The following OPCML variants were observed in gnomAD, a reference collection of about 807,000 sequenced individuals.
The protein encoded by OPCML is opioid-binding protein/cell adhesion molecule.
Under a neutral mutation model 37.8 loss-of-function variants are expected in OPCML, and 13 were observed. The ratio of observed to expected loss-of-function variants is 0.34; its 90% confidence interval spans 0.22 to 0.55. The LOEUF (loss-of-function observed/expected upper bound fraction) is 0.55. Among genes scored for constraint, OPCML ranks in the 20% least tolerant of loss-of-function variants. The probability of loss-of-function intolerance (pLI) is 0.91; values close to 1 mark genes in which losing one functional copy is unlikely to be tolerated. For missense variants in OPCML, 341 were observed against 435.6 expected (o/e 0.78, Z 1.93); for synonymous variants, 176 against 168.8 (o/e 1.04, Z -0.33).
intron 1 of OPCML, among the ~76,000 whole-genome samples, chr11:133,085,610 A>C (rs1948807114): frequency 6.6e-6 from 1 of 152,238 alleles, no homozygotes; most frequent in Admixed American, 6.5e-5. Flanking sequence ...TTATATTCTC[A>C]TACAATAAAG....
At chr11:133,281,018 CAG>C (rs1942136746) in intron 1 of OPCML, among the ~76,000 whole-genome samples, 2 of 152,178 alleles carry the variant, frequency 1.3e-5, no homozygotes, top group South Asian at 4.1e-4. Flanking sequence ...AGAGTTTCAA[CAG>C]AGGCACTGGA....
intron 1 of OPCML, chr11:133,025,169 G>T: frequency 1.9e-6 from 1 of 532,926 alleles, no homozygotes; most frequent in Non-Finnish European, 2.4e-6. Context: ...CAACCCAATG[G>T]TAAGCATAAA....
intron 1 of OPCML, among the ~76,000 whole-genome samples, chr11:133,487,783 G>A (rs1488702094): frequency 2.0e-5 from 3 of 150,936 alleles, no homozygotes; most frequent in South Asian, 2.1e-4. Flanking sequence ...GTTTGTGTGT[G>A]TGTGTGTGTG....
intron 1 of OPCML, among the ~76,000 whole-genome samples, chr11:133,187,702 A>C (rs932884302): frequency 2.6e-5 from 4 of 152,320 alleles, no homozygotes; most frequent in African/African-American, 9.6e-5. Context: ...TACCGTGCTT[A>C]GGAATGTTGA....
chr11:132,525,042 G>A (rs2096304462), intron 4 of OPCML, among the ~76,000 whole-genome samples: 1 of 152,106 alleles, frequency 6.6e-6, no homozygotes, highest in African/African-American at 2.4e-5. Flanking sequence ...TCACTTACCA[G>A]TGCAGCACTA....
At chr11:133,509,169 C>T (rs1242653035) in intron 1 of OPCML, among the ~76,000 whole-genome samples, 2 of 152,036 alleles carry the variant, frequency 1.3e-5, no homozygotes, top group African/African-American at 4.8e-5. Flanking sequence ...AATCCATCAC[C>T]TAGGTATTAA....
chr11:132,586,171 C>CCATA (rs1320759136), intron 3 of OPCML, among the ~76,000 whole-genome samples: 1 of 152,152 alleles, frequency 6.6e-6, no homozygotes, highest in Non-Finnish European at 1.5e-5. Flanking sequence ...TTAACAGCTA[C>CCATA]CATAGTCGGG....
At chr11:132,652,543 A>T (rs2135755266) in intron 3 of OPCML, among the ~76,000 whole-genome samples, 1 of 152,226 alleles carries the variant, frequency 6.6e-6, no homozygotes, top group South Asian at 2.1e-4. Flanking sequence ...CTCACTGGGG[A>T]CTCAGCCAGG....
At chr11:132,768,716 C>T (rs1275386875) in intron 2 of OPCML, among the ~76,000 whole-genome samples, 1 of 152,098 alleles carries the variant, frequency 6.6e-6, no homozygotes, top group Non-Finnish European at 1.5e-5. Flanking sequence ...ACACTCATTG[C>T]TGCTTGAATA....
rs536117320 is a variant in OPCML at position 132,816,088 on chromosome 11, C to T, written c.146+126838G>A. Among the ~76,000 whole-genome samples the T allele has an allele frequency of 4.6e-5, 7 of 152,248 alleles. No individual in the cohort carries two copies. The South Asian group carries it at 8.3e-4, about 18-fold the overall frequency. ...AGTCTTGAGGAAATGGACATGTTTG[C>T]GATAGCTGTGCTGGAAATAAGAGTA... is the stretch of plus-strand genomic sequence containing the variant. On this transcript the variant is annotated intron_variant, in intron 2 of 7. Transcript: ENST00000524381.
At chr11:132,614,210 A>G (rs1468305821) in intron 3 of OPCML, among the ~76,000 whole-genome samples, 1 of 151,966 alleles carries the variant, frequency 6.6e-6, no homozygotes, top group Non-Finnish European at 1.5e-5. Context: ...GTGCTTTGGT[A>G]CCTGCTGGAT....
chr11:132,558,627 C>T (rs1309220881), intron 3 of OPCML, among the ~76,000 whole-genome samples: 1 of 150,352 alleles, frequency 6.7e-6, no homozygotes, highest in Non-Finnish European at 1.5e-5. Context: ...ATGAACCATC[C>T]TGTTTGAGTT....
chr11:133,436,753 G>A (rs1946241552), intron 1 of OPCML, among the ~76,000 whole-genome samples: 2 of 152,158 alleles, frequency 1.3e-5, no homozygotes, highest in Non-Finnish European at 2.9e-5. Flanking sequence ...TGTAAAGTGA[G>A]GATAATAATA....
At chr11:132,837,960 A>G (rs1941113883) in intron 2 of OPCML, among the ~76,000 whole-genome samples, 1 of 152,212 alleles carries the variant, frequency 6.6e-6, no homozygotes, top group African/African-American at 2.4e-5. Context: ...CTGTCACGTC[A>G]TCCTAGTTTA....
At chr11:132,865,036 C>T (rs1444648660) in intron 2 of OPCML, among the ~76,000 whole-genome samples, 3 of 152,224 alleles carry the variant, frequency 2.0e-5, no homozygotes, top group Non-Finnish European at 4.4e-5. Flanking sequence ...CAAGTCAGGC[C>T]GCTTTGCTGC....
At chr11:133,154,365 G>A (rs550839533) in intron 1 of OPCML, among the ~76,000 whole-genome samples, 20 of 152,096 alleles carry the variant, frequency 1.3e-4, no homozygotes, top group Non-Finnish European at 2.8e-4. Context: ...AAAAGTGCAT[G>A]TTTTAGTGGC....
At chr11:133,396,061 C>T (rs527875379) in intron 1 of OPCML, among the ~76,000 whole-genome samples, 11 of 152,114 alleles carry the variant, frequency 7.2e-5, no homozygotes, top group African/African-American at 1.4e-4. Context: ...CAATGTCTTT[C>T]GCCAGCTTTT....
chr11:132,618,954 T>TACACACACACACACACACAC (rs6144570), intron 3 of OPCML, among the ~76,000 whole-genome samples: 9 of 145,446 alleles, frequency 6.2e-5, no homozygotes, highest in Non-Finnish European at 9.2e-5. Context: ...AGCACACGCA[T>TACACACACACACACACACAC]ACACACACAC....
intron 2 of OPCML, among the ~76,000 whole-genome samples, chr11:132,865,674 GAGT>G (rs1942509816): frequency 6.6e-6 from 1 of 152,162 alleles, no homozygotes; most frequent in African/African-American, 2.4e-5. Flanking sequence ...CAGACTGGGG[GAGT>G]CGCCAAGACC....
Sources: allele counts gnomAD v4.1 joint callset (sites outside exome capture counted in the v4.1 genomes callset), GRCh38; gene constraint gnomAD v4.1.1; transcripts MANE v1.5; gene names NCBI Gene and HGNC (gene_info 2026-07-23, HGNC 2026-07-21).